AFG1L: variants seen among roughly 807,000 people sequenced by gnomAD.
The protein encoded by AFG1L is AFG1 like ATPase.
Under a neutral mutation model 62.2 loss-of-function variants are expected in AFG1L, and 53 were observed. The ratio of observed to expected loss-of-function variants is 0.85; its 90% CI spans 0.68 to 1.07. The LOEUF (loss-of-function observed/expected upper bound fraction) is 1.07, where lower values mean the gene tolerates loss of function less well. AFG1L is among the 50% of genes least tolerant of loss of function. The pLI is 0.00. For synonymous variants in AFG1L, 228 were observed against 210.3 expected, an observed-to-expected ratio of 1.08 and a Z score of -0.73; for missense variants, 555 against 590.5, an observed-to-expected ratio of 0.94 and a Z score of 0.62.
intron 8 of AFG1L, among the ~76,000 whole-genome samples, chr6:108,469,863 T>C (rs937882213): frequency 7.2e-5 from 11 of 152,206 alleles, no homozygotes; most frequent in African/African-American, 2.7e-4. Context: ...CTGACTTTTT[T>C]CCCTTAATTA....
intron 5 of AFG1L, among the ~76,000 whole-genome samples, chr6:108,361,703 C>T (rs1179746907): frequency 6.6e-6 from 1 of 152,100 alleles, no homozygotes; most frequent in Non-Finnish European, 1.5e-5. Flanking sequence ...TGTGGTTTCC[C>T]TCACACCCTA....
intron 11 of AFG1L, among the ~76,000 whole-genome samples, chr6:108,514,247 A>C (rs532664476): frequency 3.3e-5 from 5 of 152,246 alleles, no homozygotes; most frequent in Middle Eastern, 3.4e-3. Flanking sequence ...CTAGCAACGG[A>C]ACAAAGATCG....
intron 1 of AFG1L, among the ~76,000 whole-genome samples, chr6:108,310,245 G>A (rs1410531827): frequency 6.6e-6 from 1 of 152,156 alleles, no homozygotes; most frequent in African/African-American, 2.4e-5. Flanking sequence ...CAGTGTCTGA[G>A]GTTCTAATTT....
rs923729379 is a variant in AFG1L, at chr6:108,425,908, C to T, written c.808-21306C>T. Among the ~76,000 whole-genome samples the T allele has an allele frequency of 4.6e-5, 7 of 151,984 alleles. No homozygotes were observed. The South Asian group carries it at 6.2e-4, about 14-fold the overall frequency. ...ATTTACTCTTCAGATCTTTTATCAG[C>T]GATAACAATTGACTATTGTTAAGAG... On this transcript the variant is annotated intron_variant, in intron 7 of 12. Transcript: ENST00000368977.
At chr6:108,500,163 G>GGTGT (rs1562197845) in intron 10 of AFG1L, among the ~76,000 whole-genome samples, 19 of 110,874 alleles carry the variant, frequency 1.7e-4, no homozygotes, top group Non-Finnish European at 3.2e-4. Flanking sequence ...AGTATTCCAT[G>GGTGT]GTGCGTGCGT....
intron 8 of AFG1L, among the ~76,000 whole-genome samples, chr6:108,471,457 G>A (rs1394734099): frequency 2.9e-5 from 4 of 136,128 alleles, no homozygotes; most frequent in Non-Finnish European, 4.6e-5. Flanking sequence ...ATGTTCTATC[G>A]TGTTCTTCTT....
At chr6:108,316,145 GC>G (rs1333590570) in intron 1 of AFG1L, among the ~76,000 whole-genome samples, 1 of 151,762 alleles carries the variant, frequency 6.6e-6, no homozygotes, top group Admixed American at 6.6e-5. Context: ...ACTTTGCGAG[GC>G]CGAGGCGGGC....
intron 6 of AFG1L, among the ~76,000 whole-genome samples, chr6:108,382,229 A>C (rs1451518500): frequency 6.6e-6 from 1 of 151,882 alleles, no homozygotes; most frequent in Non-Finnish European, 1.5e-5. Flanking sequence ...CGAACTCCCG[A>C]CCTCAGGTGA....
intron 7 of AFG1L, among the ~76,000 whole-genome samples, chr6:108,445,058 A>G (rs1771708926): frequency 6.6e-6 from 1 of 152,244 alleles, no homozygotes; most frequent in Non-Finnish European, 1.5e-5. Flanking sequence ...CAATGATCTT[A>G]ACTAAGTCTT....
intron 1 of AFG1L, among the ~76,000 whole-genome samples, chr6:108,299,377 TAAGTAAA>T (rs1357312865): frequency 9.9e-5 from 15 of 151,506 alleles, no homozygotes; most frequent in African/African-American, 3.6e-4. Flanking sequence ...AATGACATAA[TAAGTAAA>T]AAGTAAAACA....
chr6:108,385,734 G>T (rs931245395), intron 6 of AFG1L, among the ~76,000 whole-genome samples: 2 of 152,108 alleles, frequency 1.3e-5, no homozygotes, highest in African/African-American at 4.8e-5. Context: ...GATGACTTCT[G>T]TTAGAAACTT....
At position 108,510,344 on chromosome 6, in the gene AFG1L, G is replaced by C. The variant is rs886530122; in HGVS notation, c.1195G>C (p.Asp399His). 1 of 1,608,428 alleles carries C rather than the reference G, an allele frequency of 6.2e-7. No homozygotes were observed. Among genetic ancestry groups the C allele is most frequent in the African/African-American group, 1.3e-5 (1 of 74,736 alleles). The change falls in exon 11 of 13, where the codon GAT becomes CAT. Residue 399 changes from aspartate to histidine, a missense_variant. Asp to His is a moderately conservative substitution (Grantham distance 81). Coordinates refer to ENST00000368977, the MANE Select transcript of AFG1L (RefSeq NM_145315.5). ...CATAACTCTCATCGATAACTTTTAT[G>C]ATCTCAAGGTAAGGATGTAGTACAT... ...RFITLIDNFY[D>H]LKVRIICSAS...
intron 7 of AFG1L, among the ~76,000 whole-genome samples, chr6:108,414,289 C>G (rs1320787440): frequency 6.6e-6 from 1 of 152,084 alleles, no homozygotes; most frequent in Non-Finnish European, 1.5e-5. Context: ...AATAGCCTAC[C>G]AACCCAAAAA....
intron 1 of AFG1L, among the ~76,000 whole-genome samples, chr6:108,299,909 GT>G (rs1776913327): frequency 6.6e-6 from 1 of 152,170 alleles, no homozygotes; most frequent in Non-Finnish European, 1.5e-5. Context: ...GGAGGGAAAT[GT>G]TTATAGGTTT....
At chr6:108,346,849 T>G (rs1392014429) in intron 2 of AFG1L, 139 bp from the exon 3 acceptor site, 1 of 636,350 alleles carries the variant, frequency 1.6e-6, no homozygotes, top group Non-Finnish European at 2.7e-6. Context: ...TTAAACACTT[T>G]TATATCAAGT....
chr6:108,519,524 T>C (rs1775038734), intron 11 of AFG1L, among the ~76,000 whole-genome samples, 173 bp from the exon 12 acceptor site: 1 of 152,164 alleles, frequency 6.6e-6, no homozygotes, highest in African/African-American at 2.4e-5. Context: ...ACTATGCAGT[T>C]TTAAAACACT....
chr6:108,519,639 T>TA lies in AFG1L; in HGVS notation c.1204-57dup, dbSNP rs1165148038. The TA allele has an allele frequency of 1.2e-5, 11 of 898,928 alleles. No individual in the cohort carries two copies. In the African/African-American group the frequency reaches 1.8e-4, roughly 15 times the overall value. The allele number at this position is 898,928 out of a possible 1,614,324, so 55.7% of individuals were successfully genotyped here. ...GACTTTTATTTTGTGAGATTTTTCT[T>TA]ACCTTCAACTTGTGAAATGTAAAGA... On this transcript the variant is annotated intron_variant, in intron 11 of 12. Coordinates refer to ENST00000368977, the MANE Select transcript of AFG1L (RefSeq NM_145315.5).
chr6:108,494,975 A>T (rs1378809045), intron 10 of AFG1L, among the ~76,000 whole-genome samples: 1 of 151,750 alleles, frequency 6.6e-6, no homozygotes, highest in Non-Finnish European at 1.5e-5. Context: ...GGGTTTCACC[A>T]TGTTGGCCAG....
chr6:108,360,620 CAAGAA>C (rs1779487715), intron 5 of AFG1L, among the ~76,000 whole-genome samples: 1 of 152,070 alleles, frequency 6.6e-6, no homozygotes, highest in Admixed American at 6.6e-5. Flanking sequence ...CTGCTGCACG[CAAGAA>C]AAGGCTGATA....
Sources: gnomAD v4.1 joint callset for allele counts (sites outside exome capture counted in the v4.1 genomes callset) on GRCh38, gnomAD v4.1.1 for gene constraint, MANE v1.5 for transcripts, NCBI Gene and HGNC (gene_info 2026-07-23, HGNC 2026-07-21) for gene names.